Variants in CHD4 observed in about 807,000 individuals in gnomAD.
CHD4 encodes ATP-dependent chromatin remodeler CHD4.
CHD4 carries 35 observed loss-of-function variants against 235.5 expected under a neutral mutation model. That is an observed-to-expected ratio of 0.15 (90% CI 0.11 to 0.20). The LOEUF (loss-of-function observed/expected upper bound fraction) is 0.20. Among genes scored for constraint, CHD4 ranks in the 10% least tolerant of loss-of-function variants. CHD4 has a pLI of 1.00. For missense variants in CHD4, 1,329 were observed against 2,432.3 expected, an observed-to-expected ratio of 0.55 and a Z score of 9.54; for synonymous variants, 900 against 850.2, an observed-to-expected ratio of 1.06 and a Z score of -1.02.
intron 39 of CHD4, 44 bp downstream of exon 39, chr12:6,570,825 T>C (rs1947952377): frequency 6.2e-7 from 1 of 1,613,070 alleles, no homozygotes; most frequent in Non-Finnish European, 8.5e-7. Flanking sequence ...AGCTCCAGAA[T>C]GGTTCTGCAG....
At chr12:6,599,054 T>G (rs1948545677) in intron 10 of CHD4, among the ~76,000 whole-genome samples, 1 of 152,178 alleles carries the variant, frequency 6.6e-6, no homozygotes, top group Non-Finnish European at 1.5e-5. Flanking sequence ...ACTTTAACAA[T>G]AAGCCAGAAC....
chr12:6,589,279 G>A (rs1376986713), intron 22 of CHD4, among the ~76,000 whole-genome samples: 1 of 152,200 alleles, frequency 6.6e-6, no homozygotes, highest in Admixed American at 6.5e-5. Flanking sequence ...TAATATCGGT[G>A]TGAAAGTTTA....
At chr12:6,588,084 C>G in intron 23 of CHD4, 135 bp from the exon 24 acceptor site, 1 of 1,124,810 alleles carries the variant, frequency 8.9e-7, no homozygotes, top group Non-Finnish European at 1.3e-6. Context: ...TCCTTTTGCA[C>G]CCCTGCCTCC....
chr12:6,597,671 C>G (rs141735182), intron 12 of CHD4, among the ~76,000 whole-genome samples: 2,710 of 152,206 alleles, frequency 0.018, 98 homozygotes, highest in African/African-American at 0.062. Flanking sequence ...GAGGCTGAGG[C>G]AGGATAATCA....
chr12:6,582,774 G>A (rs181367339), intron 28 of CHD4, 26 bp from the exon 29 acceptor site: 502 of 1,614,110 alleles, frequency 3.1e-4, no homozygotes, highest in Non-Finnish European at 3.2e-4. Flanking sequence ...ACCCAGGTGA[G>A]AGGCAGCAGG....
Position 6,570,518 on chromosome 12 carries a change from TCCCTC to T in CHD4, c.*153_*157del. ...CAGGAAGGGCACCACTGCCCCTCAC[TCCCTC>T]CCCTCCCCCAGTGCACTGGGGCTGT... On this transcript the variant is annotated 3_prime_UTR_variant, in exon 40 of 40. Coordinates refer to ENST00000544040, the MANE Select transcript of CHD4 (RefSeq NM_001273.5). 1 of 825,682 alleles carries T rather than the reference TCCCTC, an allele frequency of 1.2e-6. No individual in the cohort carries two copies. Among genetic ancestry groups the T allele is most frequent in the Non-Finnish European group, 1.9e-6 (1 of 518,728 alleles). 51.1% of individuals were successfully genotyped at this position (825,682 alleles called of 1,614,324 possible). A position where few individuals can be genotyped will look rare whatever the true frequency, so the allele number is the denominator to read the frequency against.
In CHD4 at chr12:6,587,703, C is replaced by G. The variant is rs1375420789; in HGVS notation, c.3703+9G>C. 2.5e-6 allele frequency: 4 copies of G among 1,613,410 alleles called. No individual in the cohort carries two copies. The highest frequency in any genetic ancestry group is 1.3e-5 in the African/African-American group (1 of 74,938). On this transcript the variant is annotated intron_variant, in intron 24 of 39. Transcript: ENST00000544040. ...CCCACACCAAAACGTAAGTTCCTGA[C>G]TACCTCACCTCCATCAGTGGCTTCA... is the stretch of plus-strand genomic sequence containing the variant.
chr12:6,575,495 G>A (rs964411812), intron 37 of CHD4, among the ~76,000 whole-genome samples: 1 of 151,220 alleles, frequency 6.6e-6, no homozygotes, highest in Non-Finnish European at 1.5e-5. Flanking sequence ...TTTTGGTTTG[G>A]GGGGAGAAAA....
intron 31 of CHD4, 40 bp downstream of exon 31, chr12:6,581,607 CAA>C (rs770215085): frequency 1.4e-5 from 23 of 1,613,512 alleles, no homozygotes; most frequent in South Asian, 4.4e-5. Flanking sequence ...TAGGCCAGGA[CAA>C]AAAGAGAGGG....
At chr12:6,588,065 T>C (rs961259205) in intron 23 of CHD4, 116 bp from the exon 24 acceptor site, 11 of 1,219,270 alleles carry the variant, frequency 9.0e-6, no homozygotes, top group African/African-American at 3.0e-5. Flanking sequence ...CCTACATTCA[T>C]AGGAAACTTC....
chr12:6,594,778 A>AAG, intron 14 of CHD4, 128 bp from the exon 15 acceptor site: 1 of 788,060 alleles, frequency 1.3e-6, no homozygotes, highest in Non-Finnish European at 2.0e-6. Flanking sequence ...ATTCGGAGGG[A>AAG]AGAGATCCCC....
At position 6,591,675 on chromosome 12, in the gene CHD4, C is replaced by G; in HGVS notation, c.3222+19G>C. On this transcript the variant is annotated intron_variant, in intron 21 of 39. Transcript: ENST00000544040. The stretch of plus-strand genomic sequence containing the variant: ...GGTTGTCTATGACTGTTCCCTAAAG[C>G]TCCCAGTCCACATGATACCTGGGAA... The G allele has an allele frequency of 6.2e-7, 1 of 1,614,170 alleles. No homozygotes were observed. Among genetic ancestry groups the G allele is most frequent in the Non-Finnish European group, 8.5e-7 (1 of 1,180,004 alleles).
At chr12:6,595,484 C>A in intron 13 of CHD4, 54 bp from the exon 14 acceptor site, 1 of 1,519,208 alleles carries the variant, frequency 6.6e-7, no homozygotes, top group South Asian at 1.1e-5. Context: ...ATAGAAGAAA[C>A]AACTTGGCCA....
At chr12:6,575,725 C>T (rs941541447) in intron 37 of CHD4, among the ~76,000 whole-genome samples, 2 of 152,236 alleles carry the variant, frequency 1.3e-5, no homozygotes, top group Non-Finnish European at 2.9e-5. Context: ...TGCCCATTAA[C>T]GATAGCGTAA....
intron 37 of CHD4, chr12:6,573,527 A>G: frequency 3.7e-6 from 1 of 273,642 alleles, no homozygotes; most frequent in Non-Finnish European, 6.7e-6. Context: ...CTCAATTTAG[A>G]AAATAGAATA....
rs942344909 is a variant in CHD4, at chr12:6,593,760, C to T, written c.2314-144G>A. 2.9e-6 allele frequency: 2 copies of T among 700,730 alleles called. No homozygotes were observed. The highest frequency in any genetic ancestry group is 1.8e-5 in the South Asian group (1 of 54,616). The allele number at this position is 700,730 out of a possible 1,614,324, so 43.4% of individuals were successfully genotyped here. A position where few individuals can be genotyped will look rare whatever the true frequency, so the allele number is the denominator to read the frequency against. On this transcript the variant is annotated intron_variant, in intron 15 of 39. Transcript: ENST00000544040. This position sits in a 1 kb window ranked among gnomAD's most constrained non-coding sequence, Gnocchi z 4.9. ...GCTCCTGCTCTCACCTTCCTCTATA[C>T]AAGTGCCCAGCCCACTCCTTTCCAA...
intron 30 of CHD4, 37 bp from the exon 31 acceptor site, chr12:6,581,851 C>T: frequency 6.7e-7 from 1 of 1,499,192 alleles, no homozygotes. Context: ...GACCCAATTC[C>T]AGCTACAGGC....
At chr12:6,583,440 G>A in intron 25 of CHD4, 62 bp from the exon 26 acceptor site, 1 of 1,425,004 alleles carries the variant, frequency 7.0e-7, no homozygotes, top group African/African-American at 1.4e-5. Flanking sequence ...GCTACCCCTG[G>A]TCCTCACAGT....
Position 6,577,919 on chromosome 12 carries a change from TA to T in CHD4, c.5229-3del. 6.2e-7 allele frequency: 1 copy of T among 1,614,054 alleles called. No individual in the cohort carries two copies. The highest frequency in any genetic ancestry group is 8.5e-7 in the Non-Finnish European group (1 of 1,180,048). On this transcript the variant is annotated splice_region_variant and splice_polypyrimidine_tract_variant and intron_variant, in intron 36 of 39. Coordinates refer to ENST00000544040, the MANE Select transcript of CHD4 (RefSeq NM_001273.5). ...TCTTGCCACCGGGCATAGCCATGGC[TA>T]TTGGAAAAGTGCTCAGGAAAAACAA...
Sources: gnomAD v4.1 joint callset for allele counts (sites outside exome capture counted in the v4.1 genomes callset) on GRCh38, gnomAD v4.1.1 for gene constraint, Gnocchi (gnomAD v3.1) non-coding constraint, MANE v1.5 for transcripts, NCBI Gene and HGNC (gene_info 2026-07-23, HGNC 2026-07-21) for gene names.